NRK: variants seen among roughly 807,000 people sequenced by gnomAD.
NRK encodes nik-related protein kinase.
Under a neutral mutation model 125.2 loss-of-function variants are expected in NRK, and 67 were observed. The ratio of observed to expected loss-of-function variants is 0.54; its 90% confidence interval spans 0.44 to 0.66. The LOEUF is 0.66. Among genes scored for constraint, NRK ranks in the 30% least tolerant of loss-of-function variants. The pLI is 0.00. For synonymous variants in NRK, 458 were observed against 429.0 expected (o/e 1.07, Z -0.84); for missense variants, 1,224 against 1,192.9 (o/e 1.03, Z -0.38).
chrX:105,830,314 C>CAAAAAAAAAAAAA (rs71932033), intron 1 of NRK, among the ~76,000 whole-genome samples: 1 of 11,041 alleles, frequency 9.1e-5, no homozygotes, highest in Non-Finnish European at 1.5e-4. Flanking sequence ...AACTCCGTCG[C>CAAAAAAAAAAAAA]AAAAAAAAAA....
At chrX:105,925,845 C>T (rs2147773112) in intron 19 of NRK, among the ~76,000 whole-genome samples, 1 of 111,303 alleles carries the variant, frequency 9.0e-6, no homozygotes, top group African/African-American at 3.3e-5. Context: ...ATCAATTCAT[C>T]TCTTGATGGA....
At chrX:105,844,912 C>T (rs949042864) in intron 2 of NRK, among the ~76,000 whole-genome samples, 1 of 111,737 alleles carries the variant, frequency 8.9e-6, no homozygotes, top group African/African-American at 3.3e-5. Flanking sequence ...TAATGTGCTT[C>T]CAGCTCCATT....
chrX:105,857,577 C>A (rs1381320181), intron 2 of NRK, among the ~76,000 whole-genome samples: 25 of 111,113 alleles, frequency 2.2e-4, no homozygotes, highest in African/African-American at 7.5e-4. Context: ...TGCAGAGAAC[C>A]TTATTTCTTA....
intron 5 of NRK, among the ~76,000 whole-genome samples, chrX:105,889,587 T>G (rs1373386217): frequency 8.9e-6 from 1 of 112,476 alleles, no homozygotes; most frequent in African/African-American, 3.2e-5. Context: ...TGCAGCAAAC[T>G]TCGGCCTGGA....
intron 7 of NRK, among the ~76,000 whole-genome samples, chrX:105,897,677 T>A (rs1156758820): frequency 8.9e-6 from 1 of 112,463 alleles, no homozygotes; most frequent in Non-Finnish European, 1.9e-5. Flanking sequence ...TGTTTCTTTT[T>A]AAAAATCTAG....
At position 105,898,610 on chromosome X, in the gene NRK, A is replaced by T. The variant is rs754172714; in HGVS notation, c.607A>T (p.Ser203Cys). ...TGATTTTGGAGTGAGTGCCCAGGTG[A>T]GCAGAACTAATGGAAGAAGGAATAG... ...LVDFGVSAQV[S>C]RTNGRRNSFI... is the part of the protein sequence containing the mutation. The change falls in exon 8 of 29, where the codon AGC becomes TGC. Residue 203 changes from serine (S) to cysteine (C), a missense_variant. Physicochemically the swap from Ser to Cys is moderately radical, Grantham distance 112. Coordinates refer to ENST00000243300, the MANE Select transcript of NRK (RefSeq NM_198465.4). 5.3e-5 allele frequency: 64 copies of T among 1,198,173 alleles called. No homozygotes were observed. In the Admixed American group the frequency reaches 1.4e-3, roughly 25 times the overall value.
intron 25 of NRK, 119 bp downstream of exon 25, chrX:105,946,134 TTTGTTG>T: frequency 1.2e-6 from 1 of 831,251 alleles, no homozygotes; most frequent in Non-Finnish European, 1.7e-6. Context: ...TAATTATTTC[TTTGTTG>T]TAATAACAGG....
At chrX:105,911,836 G>A (rs146836867) in intron 13 of NRK, among the ~76,000 whole-genome samples, 25 of 111,600 alleles carry the variant, frequency 2.2e-4, no homozygotes, top group African/African-American at 7.5e-4. Flanking sequence ...TACCAGCATG[G>A]CACACACTTA....
chrX:105,863,359 T>C (rs867795789), intron 2 of NRK, among the ~76,000 whole-genome samples: 9 of 70,939 alleles, frequency 1.3e-4, no homozygotes, highest in African/African-American at 2.7e-4. Flanking sequence ...CACACACACA[T>C]ACTATTTTAA....
chrX:105,853,129 T>G (rs995108838), intron 2 of NRK, among the ~76,000 whole-genome samples: 1 of 111,749 alleles, frequency 8.9e-6, no homozygotes, highest in African/African-American at 3.3e-5. Context: ...TACTTTCACA[T>G]GTTAATTCCC....
At chrX:105,874,579 T>C (rs918467687) in intron 2 of NRK, among the ~76,000 whole-genome samples, 2 of 112,247 alleles carry the variant, frequency 1.8e-5, no homozygotes, top group South Asian at 3.6e-4. Context: ...TTATGACTGT[T>C]CCTTTATTTG....
At chrX:105,856,305 G>C (rs878884327) in intron 2 of NRK, among the ~76,000 whole-genome samples, 1 of 111,581 alleles carries the variant, frequency 9.0e-6, no homozygotes, top group Admixed American at 9.6e-5. Context: ...TAAACAGTCT[G>C]TAATAAAGTG....
rs370078716 is a variant in NRK, at chrX:105,946,511, T to C, written c.4353+47T>C. ...CCTAGAAATTATTGTATACCACCAT[T>C]TGAGTTTTTCCAACTGTCAAAACTC... On this transcript the variant is annotated intron_variant, in intron 26 of 28. Coordinates refer to ENST00000243300, the MANE Select transcript of NRK (RefSeq NM_198465.4). 1.1e-4 allele frequency: 104 copies of C among 983,705 alleles called. No homozygotes were observed. The African/African-American group carries it at 1.2e-3, about 12-fold the overall frequency. 81.1% of individuals were successfully genotyped at this position (983,705 alleles called of 1,213,427 possible). A position where few individuals can be genotyped will look rare whatever the true frequency, so the allele number is the denominator to read the frequency against.
intron 2 of NRK, among the ~76,000 whole-genome samples, chrX:105,868,286 A>G (rs1010849611): frequency 8.1e-5 from 9 of 110,493 alleles, no homozygotes; most frequent in African/African-American, 3.0e-4. Context: ...TATTTGAAGG[A>G]GGAAAGAAAA....
At chrX:105,890,176 A>T (rs913249342) in intron 5 of NRK, among the ~76,000 whole-genome samples, 1 of 111,795 alleles carries the variant, frequency 8.9e-6, no homozygotes, top group Admixed American at 9.5e-5. Flanking sequence ...AAATTCCGCC[A>T]GTCTCTTTGC....
chrX:105,869,357 C>T (rs759768163), intron 2 of NRK, among the ~76,000 whole-genome samples: 25 of 111,253 alleles, frequency 2.2e-4, no homozygotes, highest in Non-Finnish European at 4.5e-4. Context: ...TTGACTAGAC[C>T]CTAAGGGCCT....
At chrX:105,829,936 C>T (rs1030521732) in intron 1 of NRK, among the ~76,000 whole-genome samples, 1 of 110,786 alleles carries the variant, frequency 9.0e-6, no homozygotes, top group Non-Finnish European at 1.9e-5. Flanking sequence ...AATGCCAAAA[C>T]CGCAGTTACT....
At chrX:105,855,636 G>T (rs914719413) in intron 2 of NRK, among the ~76,000 whole-genome samples, 4 of 111,585 alleles carry the variant, frequency 3.6e-5, no homozygotes, top group Non-Finnish European at 5.7e-5. Context: ...GAAATTATTG[G>T]CAGTAGGGAC....
rs1419416465 is a variant in NRK, at chrX:105,928,640, CTT to C, written c.3312+3610_3312+3611del. On this transcript the variant is annotated intron_variant, in intron 19 of 28. Coordinates refer to ENST00000243300, the MANE Select transcript of NRK (RefSeq NM_198465.4). ...GTCATTTATTGCTATAAACTTGTCT[CTT>C]ACTACTGCTTTTGCTGTCTCCTATA... 6.3e-5 allele frequency among the ~76,000 whole-genome samples: 7 copies of C among 111,272 alleles called. No individual in the cohort carries two copies. In the East Asian group the frequency reaches 2.0e-3, roughly 32 times the overall value.
Sources: allele counts gnomAD v4.1 joint callset (sites outside exome capture counted in the v4.1 genomes callset), GRCh38; gene constraint gnomAD v4.1.1; transcripts MANE v1.5; gene names NCBI Gene and HGNC (gene_info 2026-07-23, HGNC 2026-07-21).